PCDHGB4: variants seen among roughly 807,000 people sequenced by gnomAD.
PCDHGB4 encodes protocadherin gamma-B4.
In PCDHGB4, 38 loss-of-function variants were observed where a neutral mutation model predicts 60.5. That is an observed-to-expected ratio of 0.63 (90% CI 0.48 to 0.82). The LOEUF (loss-of-function observed/expected upper bound fraction) is 0.82, where lower values mean the gene tolerates loss of function less well. Among genes scored for constraint, PCDHGB4 ranks in the 40% least tolerant of loss-of-function variants. The probability of loss-of-function intolerance (pLI) is 0.00; values close to 1 mark genes in which losing one functional copy is unlikely to be tolerated. For synonymous variants in PCDHGB4, 456 were observed against 509.7 expected (o/e 0.89, Z 1.42); for missense variants, 1,109 against 1,209.6 (o/e 0.92, Z 1.23).
chr5:141,388,283 C>T lies in PCDHGB4; in HGVS notation c.399C>T (p.Phe133=), dbSNP rs1164558432. ...ACATTAATGACCACACGCCAAAATTCACGCAAAATTCCTTTGAGCTGCAAA... is the reference window on the plus strand; with the variant it reads ...ACATTAATGACCACACGCCAAAATTTACGCAAAATTCCTTTGAGCTGCAAA... ...IEDINDHTPK[F]TQNSFELQIS... The change falls in exon 1 of 4, where the codon TTC becomes TTT. Residue 133 remains phenylalanine (F), a synonymous_variant. Coordinates refer to ENST00000519479, the MANE Select transcript of PCDHGB4 (RefSeq NM_003736.4). The T allele has an allele frequency of 1.2e-6, 2 of 1,613,304 alleles. No individual in the cohort carries two copies. The highest frequency in any genetic ancestry group is 4.5e-5 in the East Asian group (2 of 44,858).
Position 141,511,029 on chromosome 5 carries a change from G to A in PCDHGB4, c.2628G>A (p.Leu876=), listed in dbSNP as rs1372346241. The part of the protein sequence containing the change: ...LSARYGPQFT[L]QHVPDYRQNV... ...CCCGCTACGGACCCCAGTTCACCCT[G>A]CAGCACGTGCCCGACTACCGCCAGA... The change falls in exon 4 of 4, where the codon CTG becomes CTA. Residue 876 remains leucine, a synonymous_variant. Transcript: ENST00000519479. 6.2e-7 allele frequency: 1 copy of A among 1,614,078 alleles called. No individual in the cohort carries two copies. Among genetic ancestry groups the A allele is most frequent in the Non-Finnish European group, 8.5e-7 (1 of 1,180,032 alleles).
At chr5:141,453,608 C>T (rs1015022396) in intron 1 of PCDHGB4, among the ~76,000 whole-genome samples, 6 of 152,068 alleles carry the variant, frequency 3.9e-5, no homozygotes, top group South Asian at 2.1e-4. Context: ...TTTTGCAAAA[C>T]GCAAAAACAA....
rs554119295 is a variant in PCDHGB4 at position 141,482,963 on chromosome 5, C to T, written c.2398-11844C>T. 1.7e-4 allele frequency among the ~76,000 whole-genome samples: 10 copies of T among 57,958 alleles called. No homozygotes were observed. In the South Asian group the frequency reaches 4.5e-3, roughly 26 times the overall value. 38.0% of individuals were successfully genotyped at this position (57,958 alleles called of 152,430 possible). On this transcript the variant is annotated intron_variant, in intron 1 of 3. Coordinates refer to ENST00000519479, the MANE Select transcript of PCDHGB4 (RefSeq NM_003736.4). The stretch of plus-strand genomic sequence containing the variant: ...TTGTGGGTGCCTGTAATTCCAGCTA[C>T]TTGAGCAGCTACTTGAGAGGTCGAG...
chr5:141,495,603 C>T (rs2099762369), intron 2 of PCDHGB4, among the ~76,000 whole-genome samples: 1 of 152,238 alleles, frequency 6.6e-6, no homozygotes, highest in Non-Finnish European at 1.5e-5. Flanking sequence ...TAGCTTCCGT[C>T]TTGATTGCTG....
intron 1 of PCDHGB4, among the ~76,000 whole-genome samples, chr5:141,434,467 T>C (rs1397980716): frequency 6.6e-6 from 1 of 152,226 alleles, no homozygotes; most frequent in Non-Finnish European, 1.5e-5. Flanking sequence ...TTTACCGGAA[T>C]GAGGGCAAGG....
rs996353495 is a variant in PCDHGB4, at chr5:141,485,101, T to G, written c.2398-9706T>G. 12 of 1,158,090 alleles carry G rather than the reference T, an allele frequency of 1.0e-5. No individual in the cohort carries two copies. Among genetic ancestry groups the G allele is most frequent in the Non-Finnish European group, 1.4e-5 (11 of 786,830 alleles). The allele number at this position is 1,158,090 out of a possible 1,614,324, so 71.7% of individuals were successfully genotyped here. ...GGAAAGGGAGATAGGTGTCTCCAGC[T>G]GCTGTGGCTGTTTGGGGCGGGTCGG... On this transcript the variant is annotated intron_variant, in intron 1 of 3. Transcript: ENST00000519479. This position sits in a 1 kb window ranked among gnomAD's most constrained non-coding sequence, Gnocchi z 5.7.
intron 1 of PCDHGB4, 106 bp from the exon 2 acceptor site, chr5:141,494,701 C>T: frequency 6.3e-7 from 1 of 1,594,596 alleles, no homozygotes; most frequent in Admixed American, 1.7e-5. Flanking sequence ...CCGTTTTCTT[C>T]TCTGTGCCCA....
At chr5:141,394,769 C>T in intron 1 of PCDHGB4, 1 of 1,613,514 alleles carries the variant, frequency 6.2e-7, no homozygotes, top group Non-Finnish European at 8.5e-7. Flanking sequence ...ATGGCCAGCC[C>T]CCTCTCTCCG....
At chr5:141,427,361 A>C in intron 1 of PCDHGB4, 1 of 457,772 alleles carries the variant, frequency 2.2e-6, no homozygotes, top group Non-Finnish European at 4.4e-6. Flanking sequence ...AGGACGCAGA[A>C]CCCTGGACGG....
At chr5:141,390,830 G>A in intron 1 of PCDHGB4, 1 of 164,036 alleles carries the variant, frequency 6.1e-6, no homozygotes, top group Non-Finnish European at 1.3e-5. Flanking sequence ...TATGTCCATG[G>A]ACCCCTTGTG....
intron 1 of PCDHGB4, chr5:141,405,414 T>C (rs758249146): frequency 1.1e-4 from 169 of 1,562,196 alleles, no homozygotes; most frequent in Non-Finnish European, 1.5e-4. Context: ...TTTCTTTTTT[T>C]GTTTTTTGTT....
At chr5:141,422,950 G>A (rs1388735971) in intron 1 of PCDHGB4, 2 of 1,614,230 alleles carry the variant, frequency 1.2e-6, no homozygotes, top group South Asian at 1.1e-5. Flanking sequence ...CGGCTCCACT[G>A]GCGTGGAGCT....
At chr5:141,410,676 T>G in intron 1 of PCDHGB4, 1 of 1,550,692 alleles carries the variant, frequency 6.4e-7, no homozygotes, top group African/African-American at 1.4e-5. Flanking sequence ...TTTCTCATAT[T>G]TTAGGCATAC....
At chr5:141,452,084 C>CGG (rs1561946918) in intron 1 of PCDHGB4, among the ~76,000 whole-genome samples, 1 of 152,170 alleles carries the variant, frequency 6.6e-6, no homozygotes, top group Non-Finnish European at 1.5e-5. Context: ...TGGCATTATA[C>CGG]AGTAAGAAAG....
In PCDHGB4 at chr5:141,485,848, C is replaced by T; in HGVS notation, c.2398-8959C>T. On this transcript the variant is annotated intron_variant, in intron 1 of 3. Coordinates refer to ENST00000519479, the MANE Select transcript of PCDHGB4 (RefSeq NM_003736.4). This position sits in a 1 kb window ranked among gnomAD's most constrained non-coding sequence, Gnocchi z 5.7. ...GAGGGAACCCGCCGAGATCTGGCAC[C>T]GCAGAGCTCCGGGTATCCGTGCTGG... The T allele has an allele frequency of 1.2e-6, 2 of 1,614,194 alleles. No homozygotes were observed. Among genetic ancestry groups the T allele is most frequent in the South Asian group, 2.2e-5 (2 of 91,080 alleles).
rs367919924 is a variant in PCDHGB4, at chr5:141,487,711, T to A, written c.2398-7096T>A. The A allele has an allele frequency of 1.1e-5, 18 of 1,586,144 alleles. No individual in the cohort carries two copies. In the African/African-American group the frequency reaches 2.1e-4, roughly 19 times the overall value. On this transcript the variant is annotated intron_variant, in intron 1 of 3. Transcript: ENST00000519479. The surrounding 1 kb of genome is among the most constrained non-coding windows in gnomAD (Gnocchi z 5.0). ...TAGAGAGTACTGGCCTCTCAGTAAG[T>A]GCCCATAGTGATGTCACCATTTTTG...
intron 1 of PCDHGB4, chr5:141,393,233 A>T (rs756421828): frequency 2.7e-5 from 44 of 1,613,664 alleles, no homozygotes; most frequent in Non-Finnish European, 3.4e-5. Context: ...ATCTAGAAGT[A>T]AAAATTAACG....
chr5:141,427,197 A>C (rs1277186420), intron 1 of PCDHGB4: 4 of 456,762 alleles, frequency 8.8e-6, no homozygotes, highest in Admixed American at 2.3e-5. Context: ...CAAAGACTTA[A>C]TAGACTTCGA....
At chr5:141,506,923 C>T (rs1414595306) in intron 3 of PCDHGB4, among the ~76,000 whole-genome samples, 4 of 152,184 alleles carry the variant, frequency 2.6e-5, no homozygotes, top group African/African-American at 9.7e-5. Context: ...ACATACTAAA[C>T]AAACTTTAGG....
Sources: allele counts gnomAD v4.1 joint callset (sites outside exome capture counted in the v4.1 genomes callset), GRCh38; gene constraint gnomAD v4.1.1; non-coding constraint Gnocchi (gnomAD v3.1); transcripts MANE v1.5; gene names NCBI Gene and HGNC (gene_info 2026-07-23, HGNC 2026-07-21).